PLCB4: variants seen among roughly 807,000 people sequenced by gnomAD.
PLCB4 encodes 1-phosphatidylinositol 4,5-bisphosphate phosphodiesterase beta-4.
In PLCB4, 77 loss-of-function variants were observed where a neutral mutation model predicts 178.8. The ratio of observed to expected loss-of-function variants is 0.43; its 90% confidence interval spans 0.36 to 0.52. PLCB4 has a LOEUF of 0.52. Ranked by LOEUF, PLCB4 falls within the 20% of genes least tolerant of loss-of-function variation. PLCB4 has a pLI of 0.00. For synonymous variants in PLCB4, 496 were observed against 490.8 expected, an observed-to-expected ratio of 1.01 and a Z score of -0.14; for missense variants, 1,024 against 1,453.4, an observed-to-expected ratio of 0.70 and a Z score of 4.80.
chr20:9,361,128 T>TA lies in PLCB4; in HGVS notation c.370-1762dup, dbSNP rs556984453. Among the ~76,000 whole-genome samples the TA allele has an allele frequency of 9.9e-5, 15 of 152,256 alleles. No individual in the cohort carries two copies. The East Asian group carries it at 2.9e-3, about 29-fold the overall frequency. On this transcript the variant is annotated intron_variant, in intron 7 of 39. Coordinates refer to ENST00000378473, the MANE Select transcript of PLCB4 (RefSeq NM_001377142.1). ...ACAGTATGGTATTTCCTTTAAAAAT[T>TA]AAAAAATAGAATTACTATATGATCC...
chr20:9,290,862 T>TCA (rs1316257539), intron 3 of PLCB4, among the ~76,000 whole-genome samples: 1 of 152,104 alleles, frequency 6.6e-6, no homozygotes, highest in African/African-American at 2.4e-5. Flanking sequence ...TAAGAAGGCA[T>TCA]CACAGAGATA....
intron 20 of PLCB4, among the ~76,000 whole-genome samples, chr20:9,404,567 T>C (rs962089143): frequency 5.9e-4 from 84 of 143,552 alleles, no homozygotes; most frequent in Non-Finnish European, 6.4e-4. Context: ...ATTGTGCCAC[T>C]GCACTCCAGC....
At chr20:9,295,852 CG>C (rs1323585097) in intron 3 of PLCB4, among the ~76,000 whole-genome samples, 4 of 152,064 alleles carry the variant, frequency 2.6e-5, no homozygotes, top group Non-Finnish European at 5.9e-5. Context: ...ACTCAGGTAG[CG>C]TGATGCCTCC....
intron 7 of PLCB4, among the ~76,000 whole-genome samples, chr20:9,349,718 C>T (rs182442685): frequency 6.6e-6 from 1 of 152,276 alleles, no homozygotes; most frequent in Non-Finnish European, 1.5e-5. Context: ...CAAGGGAATG[C>T]AAAATGAATT....
chr20:9,230,002 T>C (rs1232748590), intron 3 of PLCB4, among the ~76,000 whole-genome samples: 1 of 152,154 alleles, frequency 6.6e-6, no homozygotes, highest in Non-Finnish European at 1.5e-5. Flanking sequence ...TACCATAGAC[T>C]GGATGGCCTA....
chr20:9,213,440 C>A (rs1288372429), intron 2 of PLCB4, among the ~76,000 whole-genome samples: 2 of 152,136 alleles, frequency 1.3e-5, no homozygotes, highest in Non-Finnish European at 1.5e-5. Flanking sequence ...CCAACATGCC[C>A]AGCCAGCGTA....
At chr20:9,324,429 A>T (rs1274292030) in intron 4 of PLCB4, among the ~76,000 whole-genome samples, 1 of 152,166 alleles carries the variant, frequency 6.6e-6, no homozygotes, top group Non-Finnish European at 1.5e-5. Context: ...CGTCTGTCTC[A>T]AAAACAACAA....
At chr20:9,323,243 C>T (rs1045148499) in intron 4 of PLCB4, among the ~76,000 whole-genome samples, 7 of 152,202 alleles carry the variant, frequency 4.6e-5, no homozygotes, top group African/African-American at 1.7e-4. Flanking sequence ...TGGTTCACTT[C>T]CTCACTTCAT....
At chr20:9,123,607 T>A (rs1215971946) in intron 2 of PLCB4, among the ~76,000 whole-genome samples, 1 of 152,042 alleles carries the variant, frequency 6.6e-6, no homozygotes, top group Admixed American at 6.6e-5. Context: ...CCACCTTCTC[T>A]CTTCATTTTC....
At chr20:9,201,778 C>T (rs539379687) in intron 2 of PLCB4, among the ~76,000 whole-genome samples, 26 of 152,242 alleles carry the variant, frequency 1.7e-4, no homozygotes, top group African/African-American at 6.0e-4. Flanking sequence ...GATTCCCATG[C>T]ATTGTTGGGA....
chr20:9,083,124 G>A (rs1332550549), intron 1 of PLCB4, among the ~76,000 whole-genome samples: 4 of 152,132 alleles, frequency 2.6e-5, no homozygotes, highest in African/African-American at 9.7e-5. Flanking sequence ...CAGCTTTGTT[G>A]GAAAGGTTAA....
chr20:9,215,045 T>TCCTG (rs2093714358), intron 2 of PLCB4, among the ~76,000 whole-genome samples: 1 of 152,270 alleles, frequency 6.6e-6, no homozygotes, highest in African/African-American at 2.4e-5. Context: ...GGATCATTAA[T>TCCTG]CAATGAGCTT....
chr20:9,382,633 A>G (rs1465177090), intron 13 of PLCB4, among the ~76,000 whole-genome samples: 1 of 152,162 alleles, frequency 6.6e-6, no homozygotes, highest in Non-Finnish European at 1.5e-5. Context: ...CTGGGTGTGC[A>G]CGTGGCTTGC....
chr20:9,147,303 C>A lies in PLCB4; in HGVS notation c.-79+50961C>A, dbSNP rs562884293. 3.9e-5 allele frequency among the ~76,000 whole-genome samples: 6 copies of A among 152,218 alleles called. No homozygotes were observed. In the South Asian group the frequency reaches 1.0e-3, roughly 26 times the overall value. On this transcript the variant is annotated intron_variant, in intron 2 of 39. Coordinates refer to ENST00000378473, the MANE Select transcript of PLCB4 (RefSeq NM_001377142.1). ...ATCAACTTGTTTCACAACTAAGGAA[C>A]CTTTGTTCCAAAAGTAGTCATTACA...
At chr20:9,110,664 A>G (rs541583049) in intron 2 of PLCB4, among the ~76,000 whole-genome samples, 1 of 152,292 alleles carries the variant, frequency 6.6e-6, no homozygotes, top group South Asian at 2.1e-4. Flanking sequence ...GGCCTTTTAT[A>G]GATGGTCTAC....
chr20:9,144,797 AAGG>A (rs991742661), intron 2 of PLCB4, among the ~76,000 whole-genome samples: 1 of 148,348 alleles, frequency 6.7e-6, no homozygotes, highest in African/African-American at 2.5e-5. Context: ...GTAGGAGGAG[AAGG>A]AGAAGGAAGT....
At chr20:9,244,639 TTACTG>T (rs1404757586) in intron 3 of PLCB4, among the ~76,000 whole-genome samples, 1 of 152,208 alleles carries the variant, frequency 6.6e-6, no homozygotes, top group Non-Finnish European at 1.5e-5. Context: ...GTTCAGGACT[TTACTG>T]TATGTACTTG....
At chr20:9,266,941 A>T (rs1026864668) in intron 3 of PLCB4, among the ~76,000 whole-genome samples, 4 of 152,214 alleles carry the variant, frequency 2.6e-5, no homozygotes, top group African/African-American at 9.6e-5. Context: ...TTCTAAATTA[A>T]CAGAGAACTA....
chr20:9,368,945 G>A (rs911813391), intron 9 of PLCB4, among the ~76,000 whole-genome samples: 1 of 152,070 alleles, frequency 6.6e-6, no homozygotes, highest in African/African-American at 2.4e-5. Context: ...GTGAACATGG[G>A]GCTATATAGA....
Sources: gnomAD v4.1 joint callset for allele counts (sites outside exome capture counted in the v4.1 genomes callset) on GRCh38, gnomAD v4.1.1 for gene constraint, MANE v1.5 for transcripts, NCBI Gene and HGNC (gene_info 2026-07-23, HGNC 2026-07-21) for gene names.